Variants in EYS observed in about 807,000 individuals in gnomAD.
The protein encoded by EYS is EGF-like photoreceptor maintenance factor.
A neutral mutation model predicts 282.1 loss-of-function variants in EYS; 250 were observed. That is an observed-to-expected ratio of 0.89 (90% CI 0.80 to 0.98). EYS has a LOEUF of 0.98. Ranked by LOEUF, EYS falls within the 50% of genes least tolerant of loss-of-function variation. The probability of loss-of-function intolerance (pLI) is 0.00; values close to 1 mark genes in which losing one functional copy is unlikely to be tolerated. For missense variants in EYS, 4,016 were observed against 3,709.0 expected (o/e 1.08, Z -2.15); for synonymous variants, 1,355 against 1,282.9 (o/e 1.06, Z -1.20).
intron 29 of EYS, among the ~76,000 whole-genome samples, chr6:64,348,709 T>C (rs765155460): frequency 5.3e-5 from 8 of 151,486 alleles, no homozygotes; most frequent in Non-Finnish European, 1.2e-4. Flanking sequence ...TGCAGTTCCT[T>C]TATATTTTAG....
At chr6:64,585,621 G>A (rs570920502) in intron 26 of EYS, among the ~76,000 whole-genome samples, 1 of 152,048 alleles carries the variant, frequency 6.6e-6, no homozygotes, top group African/African-American at 2.4e-5. Flanking sequence ...TTTCTCTATG[G>A]ACTCACAATC....
intron 12 of EYS, among the ~76,000 whole-genome samples, chr6:65,206,111 A>T (rs1016485081): frequency 6.6e-6 from 1 of 151,856 alleles, no homozygotes; most frequent in Non-Finnish European, 1.5e-5. Context: ...TTTATTGGAA[A>T]GGATAAACAA....
chr6:64,970,143 A>G (rs1770240358), intron 14 of EYS, among the ~76,000 whole-genome samples: 1 of 146,654 alleles, frequency 6.8e-6, no homozygotes, highest in African/African-American at 2.4e-5. Context: ...CAAGCCTAGA[A>G]ATACAAAAAA....
At position 64,291,913 on chromosome 6, in the gene EYS, C is replaced by A. The variant is rs555649593; in HGVS notation, c.6191+15057G>T. On this transcript the variant is annotated intron_variant, in intron 30 of 42. Coordinates refer to ENST00000503581, the MANE Select transcript of EYS (RefSeq NM_001142800.2). The stretch of plus-strand genomic sequence containing the variant: ...GAAGATGGCTGATTATAACAGTTAA[C>A]AAAATTGAAATAATTCTTGTGTCCA... Among the ~76,000 whole-genome samples the A allele has an allele frequency of 3.3e-5, 5 of 152,166 alleles. No individual in the cohort carries two copies. In the South Asian group the frequency reaches 8.3e-4, roughly 25 times the overall value.
intron 41 of EYS, among the ~76,000 whole-genome samples, chr6:63,731,135 T>C (rs894301181): frequency 2.4e-4 from 36 of 152,294 alleles, no homozygotes; most frequent in African/African-American, 7.7e-4. Context: ...TTAGAGTTAA[T>C]AGATGCCACC....
At chr6:64,683,184 G>T (rs1039981349) in intron 22 of EYS, among the ~76,000 whole-genome samples, 2 of 152,050 alleles carry the variant, frequency 1.3e-5, no homozygotes, top group African/African-American at 2.4e-5. Context: ...GAATCCAAAG[G>T]CTCAATAGCC....
intron 37 of EYS, among the ~76,000 whole-genome samples, chr6:63,794,731 C>T (rs1770600233): frequency 6.6e-6 from 1 of 152,138 alleles, no homozygotes; most frequent in East Asian, 1.9e-4. Flanking sequence ...CACAAAGCAA[C>T]AGGTGATAAT....
chr6:64,326,807 A>AG (rs1367075311), intron 29 of EYS, among the ~76,000 whole-genome samples: 6 of 88,518 alleles, frequency 6.8e-5, no homozygotes, highest in African/African-American at 3.1e-4. Context: ...AAAGGGTTGC[A>AG]GGATGGTCAC....
chr6:64,640,847 T>C (rs2149870518), intron 22 of EYS, among the ~76,000 whole-genome samples: 1 of 152,308 alleles, frequency 6.6e-6, no homozygotes, highest in South Asian at 2.1e-4. Flanking sequence ...CTAAACACAT[T>C]TAGTGTCTCA....
chr6:63,752,564 C>G (rs1011090696), intron 41 of EYS, among the ~76,000 whole-genome samples: 3 of 149,052 alleles, frequency 2.0e-5, no homozygotes, highest in Admixed American at 1.4e-4. Flanking sequence ...GCAATCTCGG[C>G]TCACTGCAAG....
At chr6:65,000,099 C>T (rs1352516829) in intron 13 of EYS, among the ~76,000 whole-genome samples, 2 of 152,162 alleles carry the variant, frequency 1.3e-5, no homozygotes, top group Non-Finnish European at 2.9e-5. Flanking sequence ...CCCTGTAACA[C>T]ACGCCCACTG....
intron 33 of EYS, among the ~76,000 whole-genome samples, chr6:64,021,700 A>T (rs562393432): frequency 6.6e-6 from 1 of 152,242 alleles, no homozygotes; most frequent in East Asian, 1.9e-4. Flanking sequence ...ATGGTCCAAG[A>T]TTCAAAAGAT....
intron 12 of EYS, among the ~76,000 whole-genome samples, chr6:65,258,636 A>G (rs751565840): frequency 1.3e-5 from 2 of 152,180 alleles, no homozygotes; most frequent in East Asian, 1.9e-4. Context: ...TAAAACTCCT[A>G]TCAGACATTA....
chr6:64,183,605 T>C (rs1764849093), intron 31 of EYS, among the ~76,000 whole-genome samples: 1 of 152,192 alleles, frequency 6.6e-6, no homozygotes, highest in East Asian at 1.9e-4. Flanking sequence ...TTGTGAAACA[T>C]GACTTATAAA....
chr6:64,859,298 T>C (rs1418088772), intron 19 of EYS, among the ~76,000 whole-genome samples: 3 of 149,242 alleles, frequency 2.0e-5, no homozygotes, highest in Non-Finnish European at 4.5e-5. Context: ...TAAGAATATT[T>C]AAATATTCTT....
chr6:64,906,109 A>G (rs868688769), intron 16 of EYS, among the ~76,000 whole-genome samples: 1 of 151,238 alleles, frequency 6.6e-6, no homozygotes, highest in Non-Finnish European at 1.5e-5. Context: ...AAAAAATATT[A>G]TTTTATTTAA....
At chr6:63,875,955 TTG>T (rs1330188043) in intron 35 of EYS, among the ~76,000 whole-genome samples, 1 of 152,220 alleles carries the variant, frequency 6.6e-6, no homozygotes, top group Non-Finnish European at 1.5e-5. Context: ...GAGGAGTTTT[TTG>T]TGTCTCTATC....
At chr6:64,968,351 T>C (rs947722018) in intron 14 of EYS, among the ~76,000 whole-genome samples, 2 of 152,178 alleles carry the variant, frequency 1.3e-5, no homozygotes, top group Non-Finnish European at 1.5e-5. Flanking sequence ...ATTTTATATT[T>C]TCAAAACTTG....
chr6:64,258,240 A>C (rs529662504), intron 30 of EYS, among the ~76,000 whole-genome samples: 1 of 152,142 alleles, frequency 6.6e-6, no homozygotes, highest in East Asian at 1.9e-4. Context: ...AATTTTCAGG[A>C]GTTACAAGTC....
Sources: allele counts gnomAD v4.1 joint callset (sites outside exome capture counted in the v4.1 genomes callset), GRCh38; gene constraint gnomAD v4.1.1; transcripts MANE v1.5; gene names NCBI Gene and HGNC (gene_info 2026-07-23, HGNC 2026-07-21).